Variants in MIS18A observed in about 807,000 individuals in gnomAD.
MIS18A encodes the protein protein Mis18-alpha.
In MIS18A, 14 loss-of-function variants were observed where a neutral mutation model predicts 25.0. That is an observed-to-expected ratio of 0.56 (90% confidence interval 0.37 to 0.88). The LOEUF is 0.88. Ranked by LOEUF, MIS18A falls within the 40% of genes least tolerant of loss-of-function variation. The pLI, the probability that MIS18A is intolerant of heterozygous loss-of-function variation, is 0.00. For missense variants in MIS18A, 292 were observed against 290.8 expected, an observed-to-expected ratio of 1.00 and a Z score of -0.03; for synonymous variants, 134 against 118.6, an observed-to-expected ratio of 1.13 and a Z score of -0.84.
At chr21:32,192,788 G>A in the MIS18A span, among the ~76,000 whole-genome samples, 5 of 152,122 alleles carry the variant, frequency 3.3e-5, no homozygotes, top group Admixed American at 6.5e-5. Flanking sequence ...TAACCCTCTC[G>A]TAGGAGCAAC....
the MIS18A span, among the ~76,000 whole-genome samples, chr21:32,256,420 C>T: frequency 6.6e-6 from 1 of 152,132 alleles, no homozygotes; most frequent in Non-Finnish European, 1.5e-5. Context: ...ACTTGAGCCT[C>T]GTGGCTGTCA....
At chr21:32,232,746 T>C in the MIS18A span, among the ~76,000 whole-genome samples, 1 of 151,588 alleles carries the variant, frequency 6.6e-6, no homozygotes, top group East Asian at 1.9e-4. Context: ...ACCAGGAAGG[T>C]GGAAGGAGAG....
At chr21:32,270,781 T>C (rs561953005) in intron 2 of MIS18A, among the ~76,000 whole-genome samples, 114 of 152,154 alleles carry the variant, frequency 7.5e-4, no homozygotes, top group Non-Finnish European at 1.4e-3. Flanking sequence ...TGAGGTGGTG[T>C]TTTTCTAGAA....
the MIS18A span, among the ~76,000 whole-genome samples, chr21:32,204,468 G>A: frequency 9.9e-5 from 15 of 151,892 alleles, no homozygotes; most frequent in East Asian, 2.7e-3. Context: ...CCGCACTCCA[G>A]CCTGGGTGAC....
At chr21:32,188,268 A>G in the MIS18A span, among the ~76,000 whole-genome samples, 2 of 152,254 alleles carry the variant, frequency 1.3e-5, no homozygotes, top group Non-Finnish European at 2.9e-5. Context: ...CACACAAGAC[A>G]CCAGGGTCAG....
intron 1 of MIS18A, among the ~76,000 whole-genome samples, chr21:32,277,290 C>A (rs4817479): frequency 1 from 152,352 of 152,356 alleles, 76,174 homozygotes; most frequent in Non-Finnish European, 1. Flanking sequence ...CTATAAGTAA[C>A]GCAAAACAAC....
downstream of MIS18A, among the ~76,000 whole-genome samples, chr21:32,264,428 T>C (rs537354058): frequency 7.2e-5 from 11 of 152,306 alleles, no homozygotes; most frequent in Middle Eastern, 3.4e-3. Flanking sequence ...CTGAATCAGA[T>C]TGACTCTATT....
the MIS18A span, among the ~76,000 whole-genome samples, chr21:32,191,469 G>A: frequency 6.6e-6 from 1 of 152,164 alleles, no homozygotes; most frequent in African/African-American, 2.4e-5. Flanking sequence ...GTGCAAGCCT[G>A]TAGTCCTAGC....
chr21:32,218,581 G>C, the MIS18A span, among the ~76,000 whole-genome samples: 1 of 152,156 alleles, frequency 6.6e-6, no homozygotes, highest in South Asian at 2.1e-4. Context: ...TTTAAGTTAG[G>C]TTGTTATGAA....
the MIS18A span, among the ~76,000 whole-genome samples, chr21:32,180,176 G>C: frequency 6.6e-6 from 1 of 152,218 alleles, no homozygotes; most frequent in East Asian, 1.9e-4. Flanking sequence ...TTCATATACA[G>C]ACTCACCTAG....
At chr21:32,228,111 T>C in the MIS18A span, among the ~76,000 whole-genome samples, 2 of 152,286 alleles carry the variant, frequency 1.3e-5, no homozygotes, top group Admixed American at 6.5e-5. Flanking sequence ...TTTTATGAGA[T>C]GAAGTCTCTC....
At chr21:32,199,087 T>C in the MIS18A span, among the ~76,000 whole-genome samples, 1 of 152,110 alleles carries the variant, frequency 6.6e-6, no homozygotes, top group Non-Finnish European at 1.5e-5. Flanking sequence ...AAGGCGGGCA[T>C]GGGGTCAGGC....
chr21:32,274,197 C>CTTTTTT (rs1184186125), intron 2 of MIS18A, among the ~76,000 whole-genome samples: 7 of 72,770 alleles, frequency 9.6e-5, no homozygotes, highest in Non-Finnish European at 1.2e-4. Flanking sequence ...TCCTTTTCTT[C>CTTTTTT]TTTTTTTTTT....
At position 32,268,945 on chromosome 21, in the gene MIS18A, T is replaced by G; in HGVS notation, c.*92A>C. 2 of 954,650 alleles carry G rather than the reference T, an allele frequency of 2.1e-6. No homozygotes were observed. The highest frequency in any genetic ancestry group is 3.1e-6 in the Non-Finnish European group (2 of 652,058). The allele number at this position is 954,650 out of a possible 1,614,324, so 59.1% of individuals were successfully genotyped here. The stretch of plus-strand genomic sequence containing the variant: ...GCCTGGCTAATTTTTTTTTTCTTTT[T>G]TTTTTTGTAGAGACGACGTCTCACT... On this transcript the variant is annotated 3_prime_UTR_variant, in exon 5 of 5. Coordinates refer to ENST00000290130, the MANE Select transcript of MIS18A (RefSeq NM_018944.3).
rs533218155 is a variant in MIS18A, at chr21:32,277,151, TA to T, written c.334+1529del. On this transcript the variant is annotated intron_variant, in intron 1 of 4. Transcript: ENST00000290130. ...TTTACTGGGGGGTGTGGGGAGGTGT[TA>T]AATCCTATTATCTAAATCTGATAAA... is the stretch of plus-strand genomic sequence containing the variant. Among the ~76,000 whole-genome samples, 528 of 152,302 alleles carry T rather than the reference TA, an allele frequency of 3.5e-3. 3 individuals carry two copies. The highest frequency in any genetic ancestry group is 0.012 in the African/African-American group (490 of 41,576).
intron 2 of MIS18A, among the ~76,000 whole-genome samples, chr21:32,270,893 A>G (rs2031702814): frequency 6.6e-6 from 1 of 152,190 alleles, no homozygotes; most frequent in Admixed American, 6.5e-5. Flanking sequence ...TGCCATTGTA[A>G]AACGGAAGCA....
At chr21:32,226,847 G>A in the MIS18A span, among the ~76,000 whole-genome samples, 4 of 152,052 alleles carry the variant, frequency 2.6e-5, no homozygotes, top group African/African-American at 9.7e-5. Flanking sequence ...CATAAGACAA[G>A]TTTCAATAAA....
At chr21:32,218,685 G>A in the MIS18A span, among the ~76,000 whole-genome samples, 1 of 152,010 alleles carries the variant, frequency 6.6e-6, no homozygotes, top group Admixed American at 6.6e-5. Flanking sequence ...AGGAACAAAG[G>A]AACTAAGTTG....
the MIS18A span, among the ~76,000 whole-genome samples, chr21:32,227,423 C>A: frequency 6.6e-6 from 1 of 151,262 alleles, no homozygotes; most frequent in Non-Finnish European, 1.5e-5. Context: ...TAACAAAAAA[C>A]AATGGGCAAT....
Sources: allele counts gnomAD v4.1 joint callset (sites outside exome capture counted in the v4.1 genomes callset), GRCh38; gene constraint gnomAD v4.1.1; transcripts MANE v1.5; gene names NCBI Gene and HGNC (gene_info 2026-07-23, HGNC 2026-07-21).